Variants in RICTOR observed in about 807,000 individuals in gnomAD.
RICTOR encodes RPTOR independent companion of MTOR complex 2.
Under a neutral mutation model 214.9 loss-of-function variants are expected in RICTOR, and 49 were observed. That is an observed-to-expected ratio of 0.23 (90% CI 0.18 to 0.29). The LOEUF (loss-of-function observed/expected upper bound fraction) is 0.29. RICTOR is among the 10% of genes least tolerant of loss of function. RICTOR has a pLI of 1.00. For missense variants in RICTOR, 1,625 were observed against 2,047.0 expected, an observed-to-expected ratio of 0.79 and a Z score of 3.98; for synonymous variants, 717 against 711.3, an observed-to-expected ratio of 1.01 and a Z score of -0.13.
intron 2 of RICTOR, among the ~76,000 whole-genome samples, chr5:39,028,175 CTTTTTTTTTT>C (rs70982535): frequency 1.1e-3 from 83 of 78,446 alleles, no homozygotes; most frequent in Non-Finnish European, 1.6e-3. Flanking sequence ...AACTGGAATT[CTTTTTTTTTT>C]TTTTTTTTTT....
Position 38,939,498 on chromosome 5 carries a change from T to C in RICTOR, c.*2806A>G, listed in dbSNP as rs1747305492. 4.3e-6 allele frequency: 1 copy of C among 231,912 alleles called. No homozygotes were observed. The highest frequency in any genetic ancestry group is 2.2e-5 in the African/African-American group (1 of 45,294). The allele number at this position is 231,912 out of a possible 1,614,324, so 14.4% of individuals were successfully genotyped here. On this transcript the variant is annotated 3_prime_UTR_variant, in exon 38 of 38. Transcript: ENST00000357387. ...CCTAAGAATAAACAGGAAATAAAAG[T>C]ATAGGAAATTTTAGAGCATATTTAA...
At chr5:39,019,903 T>A (rs1755264724) in intron 3 of RICTOR, among the ~76,000 whole-genome samples, 1 of 152,196 alleles carries the variant, frequency 6.6e-6, no homozygotes, top group Non-Finnish European at 1.5e-5. Context: ...ATTAAGAACA[T>A]TCCTGATTCA....
At chr5:39,029,811 T>A (rs1308724553) in intron 2 of RICTOR, among the ~76,000 whole-genome samples, 1 of 152,208 alleles carries the variant, frequency 6.6e-6, no homozygotes, top group Non-Finnish European at 1.5e-5. Flanking sequence ...ATTAGCACAG[T>A]GCCTAGCCCA....
At chr5:39,034,814 C>T (rs1031086185) in intron 2 of RICTOR, among the ~76,000 whole-genome samples, 1 of 152,252 alleles carries the variant, frequency 6.6e-6, no homozygotes. Flanking sequence ...ACAAAGCAGC[C>T]CAGAAGCTCG....
chr5:39,059,596 T>A (rs1182604151), intron 2 of RICTOR, among the ~76,000 whole-genome samples: 1 of 152,116 alleles, frequency 6.6e-6, no homozygotes, highest in Non-Finnish European at 1.5e-5. Context: ...ACCCTTATCC[T>A]ACAAATCTAA....
intron 2 of RICTOR, among the ~76,000 whole-genome samples, chr5:39,065,094 T>C (rs925397070): frequency 3.3e-5 from 5 of 152,200 alleles, no homozygotes; most frequent in Admixed American, 2.0e-4. Flanking sequence ...CACCTAAGAC[T>C]GGGTAATTTA....
At chr5:38,974,152 C>T (rs1487885659) in intron 10 of RICTOR, among the ~76,000 whole-genome samples, 1 of 151,858 alleles carries the variant, frequency 6.6e-6, no homozygotes, top group Non-Finnish European at 1.5e-5. Context: ...TGGGTTCAAG[C>T]AATTCTCCTG....
At chr5:38,984,405 T>C (rs1751987423) in intron 7 of RICTOR, among the ~76,000 whole-genome samples, 1 of 152,188 alleles carries the variant, frequency 6.6e-6, no homozygotes, top group Non-Finnish European at 1.5e-5. Flanking sequence ...ATGGATTTTT[T>C]TTCTTCTTTT....
chr5:39,016,477 A>C (rs1289544440), intron 3 of RICTOR, among the ~76,000 whole-genome samples: 2 of 152,052 alleles, frequency 1.3e-5, no homozygotes, highest in Non-Finnish European at 2.9e-5. Context: ...GGGGAGCACA[A>C]ATCAAGAAAG....
Position 38,982,009 on chromosome 5 carries a change from A to C in RICTOR, c.611T>G (p.Leu204Arg). The C allele has an allele frequency of 6.2e-7, 1 of 1,612,964 alleles. No individual in the cohort carries two copies. Among genetic ancestry groups the C allele is most frequent in the African/African-American group, 1.3e-5 (1 of 75,024 alleles). Residue 204 changes from leucine to arginine, a missense_variant, in exon 8 of 38, where the codon CTT (leucine) becomes CGT (arginine). Leu to Arg is a moderately radical substitution (Grantham distance 102). Around this residue, in one of 5 missense-constraint regions of RICTOR, gnomAD observed 258 missense variants for 393.7 expected, o/e 0.66. Coordinates refer to ENST00000357387, the MANE Select transcript of RICTOR (RefSeq NM_152756.5). ...LALQNPEVVA[L>R]RGGLNTILKN... ...CAAGATGGTGTTTAGTCCACCTCGA[A>C]GGGCCACCACCTCTGGATTCTGAAG...
intron 2 of RICTOR, among the ~76,000 whole-genome samples, chr5:39,056,131 G>A (rs548696398): frequency 1.3e-5 from 2 of 152,248 alleles, no homozygotes; most frequent in Non-Finnish European, 2.9e-5. Flanking sequence ...AGCAAAATTG[G>A]TCAGGAGCCC....
intron 6 of RICTOR, 110 bp downstream of exon 6, chr5:38,996,707 TAA>T (rs1753202194): frequency 1.0e-5 from 6 of 601,002 alleles, no homozygotes; most frequent in African/African-American, 9.5e-5. Flanking sequence ...AAATGTTTAA[TAA>T]AAGTTTAGTC....
At chr5:38,984,672 A>G (rs1752014581) in intron 7 of RICTOR, among the ~76,000 whole-genome samples, 1 of 152,018 alleles carries the variant, frequency 6.6e-6, no homozygotes, top group African/African-American at 2.4e-5. Flanking sequence ...TTTTAGCTTA[A>G]ACTTTTGTTA....
chr5:38,958,933 T>C, intron 22 of RICTOR, 102 bp from the exon 23 acceptor site: 1 of 862,960 alleles, frequency 1.2e-6, no homozygotes, highest in Admixed American at 3.5e-5. Flanking sequence ...AAGGGAAGAA[T>C]GCCTGGAATT....
chr5:38,987,233 C>A (rs1752242844), intron 7 of RICTOR, among the ~76,000 whole-genome samples: 2 of 152,030 alleles, frequency 1.3e-5, no homozygotes, highest in African/African-American at 4.8e-5. Flanking sequence ...ATGGTACTGG[C>A]CTCAAAAAAT....
chr5:39,003,655 G>C lies in RICTOR; in HGVS notation c.196-33C>G, dbSNP rs778000228. 13 of 1,396,094 alleles carry C rather than the reference G, an allele frequency of 9.3e-6. No individual in the cohort carries two copies. The East Asian group carries it at 2.7e-4, about 29-fold the overall frequency. 86.5% of individuals were successfully genotyped at this position (1,396,094 alleles called of 1,614,324 possible). On this transcript the variant is annotated intron_variant, in intron 3 of 37. Transcript: ENST00000357387. ...AAAAACAAAATAAGTGTGCATTTAT[G>C]TGTTGTATATTTTCACATATTTATA...
rs375974591 is a variant in RICTOR, at chr5:38,949,819, T to C, written c.4029A>G (p.Pro1343=). Residue 1343 remains proline (P), a synonymous_variant, in exon 31 of 38, where the codon CCA becomes CCG. Transcript: ENST00000357387. ...CCAAAGCTTCAGAGTGAGATAAGGATGGATGCATTCTTTGTTGCTGTAGTC... is the reference window on the plus strand; with the variant it reads ...CCAAAGCTTCAGAGTGAGATAAGGACGGATGCATTCTTTGTTGCTGTAGTC... ...LKRLQQQRMH[P]SLSHSEALAS... 2.5e-6 allele frequency: 4 copies of C among 1,613,540 alleles called. No individual in the cohort carries two copies. The highest frequency in any genetic ancestry group is 1.7e-5 in the Admixed American group (1 of 59,956).
chr5:38,995,455 C>CG (rs905554816), intron 6 of RICTOR, among the ~76,000 whole-genome samples: 1 of 151,910 alleles, frequency 6.6e-6, no homozygotes, highest in African/African-American at 2.4e-5. Context: ...AGATTACATA[C>CG]GGGGTACAGT....
At chr5:39,002,986 T>C (rs1753754838) in intron 4 of RICTOR, among the ~76,000 whole-genome samples, 1 of 152,130 alleles carries the variant, frequency 6.6e-6, no homozygotes, top group Non-Finnish European at 1.5e-5. Flanking sequence ...TACAGCCTTT[T>C]TCAAGCTGTA....
Sources: allele counts gnomAD v4.1 joint callset (sites outside exome capture counted in the v4.1 genomes callset), GRCh38; gene constraint gnomAD v4.1.1; regional missense constraint gnomAD v4.1.1; transcripts MANE v1.5; gene names NCBI Gene and HGNC (gene_info 2026-07-23, HGNC 2026-07-21).